The following KIF1B variants were observed in gnomAD, a reference collection of about 807,000 sequenced individuals.
KIF1B encodes the protein kinesin-like protein KIF1B.
KIF1B carries 76 observed loss-of-function variants against 241.9 expected under a neutral mutation model. The ratio of observed to expected loss-of-function variants is 0.31; its 90% CI spans 0.26 to 0.38. KIF1B has a LOEUF of 0.38. Among genes scored for constraint, KIF1B ranks in the 10% least tolerant of loss-of-function variants. The probability of loss-of-function intolerance (pLI) is 1.00; values close to 1 mark genes in which losing one functional copy is unlikely to be tolerated. For synonymous variants in KIF1B, 750 were observed against 796.7 expected, an observed-to-expected ratio of 0.94 and a Z score of 0.99; for missense variants, 1,622 against 2,271.4, an observed-to-expected ratio of 0.71 and a Z score of 5.81.
chr1:10,240,916 G>A (rs953934207), intron 2 of KIF1B, among the ~76,000 whole-genome samples: 1 of 151,762 alleles, frequency 6.6e-6, no homozygotes, highest in Non-Finnish European at 1.5e-5. Flanking sequence ...GCTTAATATT[G>A]TATTCTATTT....
rs1038949449 is a variant in KIF1B at position 10,271,669 on chromosome 1, A to C, written c.798+90A>C. 1.3e-5 allele frequency: 12 copies of C among 899,750 alleles called. No individual in the cohort carries two copies. In the African/African-American group the frequency reaches 1.5e-4, roughly 11 times the overall value. The allele number at this position is 899,750 out of a possible 1,614,324, so 55.7% of individuals were successfully genotyped here. On this transcript the variant is annotated intron_variant, in intron 8 of 48. Transcript: ENST00000676179. ...ATTTTATTGAAACACAGCTACATAC[A>C]TTTGTTTATGTATTGTCTATGGCTG...
At chr1:10,344,478 G>T (rs190502137) in intron 34 of KIF1B, among the ~76,000 whole-genome samples, 1 of 152,168 alleles carries the variant, frequency 6.6e-6, no homozygotes, top group Non-Finnish European at 1.5e-5. Context: ...TTCTCTACAT[G>T]TGCCTCTTTC....
intron 45 of KIF1B, among the ~76,000 whole-genome samples, chr1:10,372,162 A>G (rs1638750053): frequency 6.6e-6 from 1 of 152,188 alleles, no homozygotes; most frequent in Non-Finnish European, 1.5e-5. Context: ...TGTAGGGACT[A>G]TTCTGTGCCA....
chr1:10,212,764 C>T (rs1435752957), intron 1 of KIF1B, among the ~76,000 whole-genome samples: 1 of 151,420 alleles, frequency 6.6e-6, no homozygotes, highest in East Asian at 1.9e-4. Context: ...GTGGCTCATG[C>T]CTGTATTCCC....
chr1:10,320,524 A>G (rs548112435), intron 23 of KIF1B, among the ~76,000 whole-genome samples: 7 of 152,292 alleles, frequency 4.6e-5, no homozygotes, highest in African/African-American at 1.7e-4. Flanking sequence ...ATTTCTAATC[A>G]TATTGCTTAG....
At chr1:10,373,675 A>T (rs1297901360) in intron 45 of KIF1B, among the ~76,000 whole-genome samples, 1 of 152,232 alleles carries the variant, frequency 6.6e-6, no homozygotes, top group Non-Finnish European at 1.5e-5. Context: ...CTCACACAGT[A>T]GTCAAGAGGG....
At chr1:10,230,323 C>T (rs761152232) in intron 1 of KIF1B, among the ~76,000 whole-genome samples, 8 of 151,740 alleles carry the variant, frequency 5.3e-5, no homozygotes, top group Admixed American at 2.6e-4. Context: ...TAATTGGATT[C>T]GTAATTACTT....
At chr1:10,215,160 A>G (rs1208203595) in intron 1 of KIF1B, among the ~76,000 whole-genome samples, 2 of 69,752 alleles carry the variant, frequency 2.9e-5, no homozygotes, top group African/African-American at 1.8e-4. Context: ...ATATATATAT[A>G]TATATATATA....
intron 5 of KIF1B, among the ~76,000 whole-genome samples, chr1:10,266,568 A>G (rs139631541): frequency 5.6e-4 from 86 of 152,284 alleles, no homozygotes; most frequent in African/African-American, 1.9e-3. Flanking sequence ...CATAGTTAGT[A>G]ACAGTGTGGT....
At chr1:10,257,110 T>G (rs1198718209) in intron 3 of KIF1B, among the ~76,000 whole-genome samples, 1 of 151,924 alleles carries the variant, frequency 6.6e-6, no homozygotes, top group Non-Finnish European at 1.5e-5. Flanking sequence ...GAAATTGTTT[T>G]TTTTTTGTTT....
chr1:10,329,217 A>T (rs537222821), intron 27 of KIF1B, among the ~76,000 whole-genome samples: 1 of 152,198 alleles, frequency 6.6e-6, no homozygotes, highest in Non-Finnish European at 1.5e-5. Context: ...TGGGGGAGGA[A>T]GTGAAATAAT....
chr1:10,346,407 C>T lies in KIF1B; in HGVS notation c.3797+454C>T, dbSNP rs150242251. Among the ~76,000 whole-genome samples, 1,064 of 152,092 alleles carry T rather than the reference C, an allele frequency of 7.0e-3. 32 individuals carry two copies. The highest frequency in any genetic ancestry group is 0.068 in the East Asian group (353 of 5,174). ...TGAGATGGAGGCTTGCTCTGTTGCC[C>T]AGGCTGGAGTGCAATGGCGCGATCT... On this transcript the variant is annotated intron_variant, in intron 35 of 48. Transcript: ENST00000676179.
At chr1:10,286,534 G>C (rs1649724505) in intron 15 of KIF1B, among the ~76,000 whole-genome samples, 1 of 152,194 alleles carries the variant, frequency 6.6e-6, no homozygotes, top group Admixed American at 6.5e-5. Flanking sequence ...ACCCACTTAG[G>C]AAGCATGCTA....
At chr1:10,262,090 CT>C in intron 5 of KIF1B, 120 bp downstream of exon 5, 1 of 772,192 alleles carries the variant, frequency 1.3e-6, no homozygotes. Context: ...CATTTTTGTC[CT>C]TTCAGGCTAT....
chr1:10,359,462 G>T (rs961916821), intron 38 of KIF1B, among the ~76,000 whole-genome samples: 1 of 152,092 alleles, frequency 6.6e-6, no homozygotes, highest in East Asian at 1.9e-4. Context: ...ACTAAGTGCT[G>T]TATTTCACAT....
Position 10,316,399 on chromosome 1 carries a change from C to T in KIF1B, c.2116-3644C>T, listed in dbSNP as rs1041315008. Among the ~76,000 whole-genome samples, 3 of 151,654 alleles carry T rather than the reference C, an allele frequency of 2.0e-5. 1 individual carries two copies. On this transcript the variant is annotated intron_variant, in intron 22 of 48. Coordinates refer to ENST00000676179, the MANE Select transcript of KIF1B (RefSeq NM_001365951.3). The stretch of plus-strand genomic sequence containing the variant: ...TCTCTGCATTGTAAATATATCATTT[C>T]CCTTCTTAAATAGATATCTGGGCAT...
chr1:10,308,833 T>C (rs1242339791), intron 22 of KIF1B, among the ~76,000 whole-genome samples: 1 of 152,250 alleles, frequency 6.6e-6, no homozygotes, highest in African/African-American at 2.4e-5. Context: ...TTATGCCACA[T>C]TTCACTTACA....
intron 44 of KIF1B, among the ~76,000 whole-genome samples, chr1:10,369,605 C>G (rs1288238534): frequency 6.6e-6 from 1 of 152,120 alleles, no homozygotes; most frequent in East Asian, 1.9e-4. Context: ...TGCACCCCAG[C>G]CTGTGTGACA....
intron 22 of KIF1B, chr1:10,299,031 C>T (rs946251443): frequency 3.4e-5 from 5 of 145,478 alleles, no homozygotes; most frequent in Admixed American, 7.0e-5. Context: ...ATGGCCCCTG[C>T]GCAAGGATGA....
Sources: gnomAD v4.1 joint callset for allele counts (sites outside exome capture counted in the v4.1 genomes callset) on GRCh38, gnomAD v4.1.1 for gene constraint, MANE v1.5 for transcripts, NCBI Gene and HGNC (gene_info 2026-07-23, HGNC 2026-07-21) for gene names.